The following SORCS1 variants were observed in gnomAD, a reference collection of about 807,000 sequenced individuals.
SORCS1 encodes the protein sortilin related VPS10 domain containing receptor 1.
Under a neutral mutation model 146.1 loss-of-function variants are expected in SORCS1, and 60 were observed. The observed-to-expected ratio is 0.41, with a 90% CI of 0.33 to 0.51. SORCS1 has a LOEUF of 0.51. SORCS1 is among the 20% of genes least tolerant of loss of function. The pLI, the probability that SORCS1 is intolerant of heterozygous loss-of-function variation, is 0.21. For synonymous variants in SORCS1, 637 were observed against 584.0 expected (o/e 1.09, Z -1.31); for missense variants, 1,352 against 1,487.6 (o/e 0.91, Z 1.50).
At chr10:107,026,066 C>T (rs1394151811) in intron 1 of SORCS1, among the ~76,000 whole-genome samples, 1 of 152,120 alleles carries the variant, frequency 6.6e-6, no homozygotes, top group African/African-American at 2.4e-5. Context: ...ATTGAGATCC[C>T]CCCACACACA....
chr10:106,578,495 A>G (rs1256709341), intron 25 of SORCS1: 1 of 218,324 alleles, frequency 4.6e-6, no homozygotes, highest in Non-Finnish European at 7.8e-6. Flanking sequence ...GATGTCTGCA[A>G]ACATTATGCC....
intron 5 of SORCS1, among the ~76,000 whole-genome samples, chr10:106,735,071 G>A (rs576512216): frequency 2.0e-4 from 30 of 151,650 alleles, no homozygotes; most frequent in Non-Finnish European, 4.1e-4. Context: ...GCTTGAACCC[G>A]GGAGGTGGAG....
chr10:106,588,281 C>G (rs1046667962), intron 24 of SORCS1, among the ~76,000 whole-genome samples: 1 of 152,176 alleles, frequency 6.6e-6, no homozygotes, highest in African/African-American at 2.4e-5. Flanking sequence ...TTGTCATTTG[C>G]CCATTCTGCC....
In SORCS1 at chr10:107,010,178, T is replaced by A. The variant is rs113262637; in HGVS notation, c.559-53598A>T. The stretch of plus-strand genomic sequence containing the variant: ...TCAATATTTGAAGCCATGGAGTTTG[T>A]AAGCACATGAACTTATACATTTGTT... On this transcript the variant is annotated intron_variant, in intron 1 of 25. Transcript: ENST00000263054. 9.0e-3 allele frequency among the ~76,000 whole-genome samples: 1,377 copies of A among 152,370 alleles called. 19 individuals carry two copies. The highest frequency in any genetic ancestry group is 0.031 in the African/African-American group (1,308 of 41,584).
At chr10:106,813,440 C>T (rs759226072) in intron 3 of SORCS1, among the ~76,000 whole-genome samples, 9 of 152,064 alleles carry the variant, frequency 5.9e-5, no homozygotes, top group African/African-American at 9.7e-5. Flanking sequence ...GCCTGACAGG[C>T]GCATTTCTGA....
chr10:107,141,874 T>C (rs572591261), intron 1 of SORCS1, among the ~76,000 whole-genome samples: 94 of 152,242 alleles, frequency 6.2e-4, no homozygotes, highest in African/African-American at 2.1e-3. Flanking sequence ...TCACTGAATA[T>C]TGCACAATCA....
intron 2 of SORCS1, among the ~76,000 whole-genome samples, chr10:106,881,540 C>G (rs1950804840): frequency 6.6e-6 from 1 of 152,206 alleles, no homozygotes; most frequent in South Asian, 2.1e-4. Flanking sequence ...ATTAACATCT[C>G]TTAGTCATTT....
rs1354238861 is a variant in SORCS1, at chr10:106,611,923, T to A, written c.3021A>T (p.Lys1007Asn). 6.2e-7 allele frequency: 1 copy of A among 1,613,318 alleles called. No homozygotes were observed. Among genetic ancestry groups the A allele is most frequent in the East Asian group, 2.2e-5 (1 of 44,858 alleles). The change falls in exon 22 of 26, where the codon AAA (lysine) becomes AAT (asparagine). Residue 1007 changes from lysine to asparagine, a missense_variant. By Grantham distance (94) the Lys-to-Asn change is moderately conservative (BLOSUM62 0). Around this residue, in one of 3 missense-constraint regions of SORCS1, gnomAD observed 214 missense variants for 204.8 expected, o/e 1.05. Transcript: ENST00000263054. ...TGTGTGCACTCACTTCCACCAGGGA[T>A]TTTTTGATGACTCGACCGATGTCCC... is the stretch of plus-strand genomic sequence containing the variant. ...WRRDIGRVIK[K>N]SLVEATGVPG... is the part of the protein sequence containing the mutation.
At chr10:107,105,880 G>T (rs965097875) in intron 1 of SORCS1, among the ~76,000 whole-genome samples, 4 of 152,156 alleles carry the variant, frequency 2.6e-5, no homozygotes, top group African/African-American at 4.8e-5. Flanking sequence ...CATATAAAAA[G>T]TTCTTGTGGT....
At chr10:106,646,151 G>C (rs1849413773) in intron 18 of SORCS1, among the ~76,000 whole-genome samples, 2 of 151,974 alleles carry the variant, frequency 1.3e-5, no homozygotes, top group Admixed American at 1.3e-4. Context: ...TGTAATCCCA[G>C]CTACTCAGGA....
intron 9 of SORCS1, among the ~76,000 whole-genome samples, chr10:106,696,186 A>G (rs1301348171): frequency 1.3e-5 from 2 of 152,210 alleles, no homozygotes; most frequent in Non-Finnish European, 2.9e-5. Flanking sequence ...CCCAAATGTG[A>G]GCAGACATGC....
At chr10:106,842,233 T>C (rs1373728910) in intron 2 of SORCS1, among the ~76,000 whole-genome samples, 1 of 152,132 alleles carries the variant, frequency 6.6e-6, no homozygotes, top group African/African-American at 2.4e-5. Flanking sequence ...ATTTTATTAT[T>C]TTATTTATTT....
At chr10:106,750,757 A>AAAAAG (rs1564929449) in intron 5 of SORCS1, among the ~76,000 whole-genome samples, 33 of 132,376 alleles carry the variant, frequency 2.5e-4, no homozygotes, top group African/African-American at 8.7e-4. Flanking sequence ...AAAAAAAAAA[A>AAAAAG]AAAAGAAAAG....
At chr10:106,993,693 A>T (rs1321198618) in intron 1 of SORCS1, among the ~76,000 whole-genome samples, 2 of 152,322 alleles carry the variant, frequency 1.3e-5, no homozygotes, top group East Asian at 3.9e-4. Context: ...GAGGGAAAAA[A>T]AATATTCTTT....
At chr10:106,910,100 T>C (rs1026976069) in intron 2 of SORCS1, among the ~76,000 whole-genome samples, 2 of 152,226 alleles carry the variant, frequency 1.3e-5, no homozygotes, top group African/African-American at 4.8e-5. Flanking sequence ...CTATTCTCTG[T>C]GGCTTCTACC....
chr10:107,082,756 T>G (rs1397623394), intron 1 of SORCS1, among the ~76,000 whole-genome samples: 2 of 152,102 alleles, frequency 1.3e-5, no homozygotes, highest in African/African-American at 4.8e-5. Flanking sequence ...GGATTACAGG[T>G]GTAAGCCACT....
At chr10:106,857,708 T>C (rs999648169) in intron 2 of SORCS1, among the ~76,000 whole-genome samples, 10 of 152,236 alleles carry the variant, frequency 6.6e-5, no homozygotes, top group African/African-American at 1.7e-4. Flanking sequence ...TTATCATTCA[T>C]TGACAGATTT....
At chr10:107,102,534 G>T (rs893961481) in intron 1 of SORCS1, among the ~76,000 whole-genome samples, 1 of 152,204 alleles carries the variant, frequency 6.6e-6, no homozygotes, top group African/African-American at 2.4e-5. Context: ...TATAAAAAGG[G>T]AATCTAACTA....
At chr10:106,647,053 G>A (rs2133724363) in intron 18 of SORCS1, among the ~76,000 whole-genome samples, 1 of 144,156 alleles carries the variant, frequency 6.9e-6, no homozygotes, top group East Asian at 2.0e-4. Flanking sequence ...GGTAATGTCA[G>A]TCATCCAAAT....
Sources: gnomAD v4.1 joint callset for allele counts (sites outside exome capture counted in the v4.1 genomes callset) on GRCh38, gnomAD v4.1.1 for gene constraint, gnomAD v4.1.1 regional missense constraint, MANE v1.5 for transcripts, NCBI Gene and HGNC (gene_info 2026-07-23, HGNC 2026-07-21) for gene names.